Variants in PLAT observed in about 807,000 individuals in gnomAD.
PLAT encodes tissue-type plasminogen activator.
A neutral mutation model predicts 74.9 loss-of-function variants in PLAT; 48 were observed. The ratio of observed to expected loss-of-function variants is 0.64; its 90% CI spans 0.51 to 0.82. PLAT has a LOEUF of 0.82. Among genes scored for constraint, PLAT ranks in the 40% least tolerant of loss-of-function variants. The pLI is 0.00. For synonymous variants in PLAT, 307 were observed against 294.4 expected, an observed-to-expected ratio of 1.04 and a Z score of -0.44; for missense variants, 673 against 736.2, an observed-to-expected ratio of 0.91 and a Z score of 0.99.
chr8:42,188,127 G>T, intron 4 of PLAT, 111 bp from the exon 5 acceptor site: 1 of 643,208 alleles, frequency 1.6e-6, no homozygotes, highest in Non-Finnish European at 2.8e-6. Context: ...GTCCTGCAGC[G>T]TGGAACACGC....
At position 42,197,543 on chromosome 8, in the gene PLAT, C is replaced by G. The variant is rs367795714; in HGVS notation, c.-26-4332G>C. Among the ~76,000 whole-genome samples, 18 of 152,302 alleles carry G rather than the reference C, an allele frequency of 1.2e-4. No individual in the cohort carries two copies. In the East Asian group the frequency reaches 3.3e-3, roughly 28 times the overall value. ...CTGAGAAATTGATGATCATGCCAAC[C>G]AGAAAGGTGGTGTTCATTTCTTTGG... is the stretch of plus-strand genomic sequence containing the variant. On this transcript the variant is annotated intron_variant, in intron 1 of 13. Coordinates refer to ENST00000220809, the MANE Select transcript of PLAT (RefSeq NM_000930.5).
At position 42,180,617 on chromosome 8, in the gene PLAT, C is replaced by T. The variant is rs1415478927; in HGVS notation, c.958G>A (p.Ala320Thr). 1.9e-6 allele frequency: 3 copies of T among 1,612,034 alleles called. No homozygotes were observed. The highest frequency in any genetic ancestry group is 1.1e-5 in the South Asian group (1 of 90,836). The change falls in exon 10 of 14, where the codon GCC becomes ACC. Residue 320 changes from alanine to threonine, a missense_variant. Ala to Thr is a moderately conservative substitution (Grantham distance 58). Coordinates refer to ENST00000220809, the MANE Select transcript of PLAT (RefSeq NM_000930.5). ...RIKGGLFADI[A>T]SHPWQAAIFA... is the part of the protein sequence containing the mutation. ...ATGGCAGCCTGCCAGGGGTGGGAGG[C>T]GATGTCGGCGAAGAGCCCTCCTTTG...
chr8:42,185,040 C>A (rs200180837), intron 7 of PLAT, 41 bp downstream of exon 7: 13 of 1,393,156 alleles, frequency 9.3e-6, no homozygotes, highest in Non-Finnish European at 4.0e-6. Context: ...ACTTTCCTCC[C>A]CCAGGGACAT....
At chr8:42,201,027 G>A (rs8178698) in intron 1 of PLAT, among the ~76,000 whole-genome samples, 4,508 of 152,120 alleles carry the variant, frequency 0.03, 226 homozygotes, top group African/African-American at 0.1. Context: ...ACAGGGTTTC[G>A]GCATGCTGGC....
At chr8:42,205,504 CAA>C (rs1806296446) in intron 1 of PLAT, among the ~76,000 whole-genome samples, 1 of 151,762 alleles carries the variant, frequency 6.6e-6, no homozygotes, top group African/African-American at 2.4e-5. Flanking sequence ...CTAGCCTGGG[CAA>C]AAAGAGTGAA....
At position 42,193,107 on chromosome 8, in the gene PLAT, C is replaced by T. The variant is rs752674790; in HGVS notation, c.72+7G>A. 5 of 1,607,524 alleles carry T rather than the reference C, an allele frequency of 3.1e-6. No homozygotes were observed. The highest frequency in any genetic ancestry group is 4.3e-6 in the Non-Finnish European group (5 of 1,174,224). On this transcript the variant is annotated splice_region_variant and intron_variant, in intron 2 of 13. Transcript: ENST00000220809. ...AGGGGCGGGACACAGGGATCCTGCA[C>T]ACCAACCTGGCTGGGCGAAACGAAG... is the stretch of plus-strand genomic sequence containing the variant.
rs8178875 is a variant in PLAT at position 42,204,629 on chromosome 8, C to T, written c.-27+2865G>A. Among the ~76,000 whole-genome samples the T allele has an allele frequency of 1.9e-3, 282 of 151,152 alleles. 1 individual carries two copies. Among genetic ancestry groups the T allele is most frequent in the Non-Finnish European group, 3.3e-3 (226 of 67,890 alleles). ...ATTTGGGAGGCTGAGGCAGGAAAAT[C>T]GCTTGAACCTGGGAGGTGGAGGTTG... On this transcript the variant is annotated intron_variant, in intron 1 of 13. Transcript: ENST00000220809.
chr8:42,187,651 C>G lies in PLAT; in HGVS notation c.365-79G>C, dbSNP rs1202856784. On this transcript the variant is annotated intron_variant, in intron 5 of 13. Coordinates refer to ENST00000220809, the MANE Select transcript of PLAT (RefSeq NM_000930.5). ...CCTCAGGAGGCTCCCCTCTCTGCCCCGTCCTCCCCCAGGCCTGATGCAGGC... is the reference window on the plus strand; with the variant it reads ...CCTCAGGAGGCTCCCCTCTCTGCCCGGTCCTCCCCCAGGCCTGATGCAGGC... The G allele has an allele frequency of 2.5e-5, 34 of 1,356,040 alleles. No homozygotes were observed. The Admixed American group carries it at 7.8e-4, about 31-fold the overall frequency. 84.0% of individuals were successfully genotyped at this position (1,356,040 alleles called of 1,614,324 possible). A position where few individuals can be genotyped will look rare whatever the true frequency, so the allele number is the denominator to read the frequency against.
chr8:42,190,825 C>T (rs8178739), intron 3 of PLAT, among the ~76,000 whole-genome samples: 8 of 152,176 alleles, frequency 5.3e-5, no homozygotes, highest in Non-Finnish European at 7.4e-5. Context: ...CCCACCATGT[C>T]GAGGGGTTGC....
chr8:42,206,013 A>C (rs539051461), intron 1 of PLAT, among the ~76,000 whole-genome samples: 2 of 152,244 alleles, frequency 1.3e-5, no homozygotes, highest in Non-Finnish European at 1.5e-5. Context: ...AAAACCAACA[A>C]AGGGGAACTG....
intron 4 of PLAT, 49 bp downstream of exon 4, chr8:42,188,885 A>T: frequency 6.4e-7 from 1 of 1,560,030 alleles, no homozygotes; most frequent in Non-Finnish European, 8.8e-7. Context: ...TTGGCCTCCT[A>T]AAGTGCTGGG....
At chr8:42,181,886 G>T (rs1453990383) in intron 9 of PLAT, 51 bp downstream of exon 9, 3 of 1,057,542 alleles carry the variant, frequency 2.8e-6, no homozygotes, top group East Asian at 2.4e-5. Flanking sequence ...GCGAGGAGAT[G>T]GTGAAGAAGG....
intron 12 of PLAT, among the ~76,000 whole-genome samples, chr8:42,179,513 ATAGT>A (rs1321096859): frequency 1.3e-5 from 2 of 152,154 alleles, no homozygotes; most frequent in African/African-American, 4.8e-5. Flanking sequence ...AATTAGGGAG[ATAGT>A]TCTATCTCCA....
chr8:42,196,710 C>T lies in PLAT; in HGVS notation c.-26-3499G>A, dbSNP rs75582553. 3.2e-4 allele frequency among the ~76,000 whole-genome samples: 49 copies of T among 151,826 alleles called. No individual in the cohort carries two copies. In the East Asian group the frequency reaches 8.1e-3, roughly 25 times the overall value. ...GGTCCATGAGTGCTCTGGCGAGACC[C>T]GGGTGAGAGATGACATTGGCGGAAG... On this transcript the variant is annotated intron_variant, in intron 1 of 13. Transcript: ENST00000220809.
In PLAT at chr8:42,196,305, G is replaced by A. The variant is rs576237815; in HGVS notation, c.-26-3094C>T. On this transcript the variant is annotated intron_variant, in intron 1 of 13. Transcript: ENST00000220809. ...TGTCTTTGCTCCTGAGAGAGTTGGA[G>A]ACTTGTCTCTTCTCTTCCTTGGCTT... Among the ~76,000 whole-genome samples, 12 of 152,328 alleles carry A rather than the reference G, an allele frequency of 7.9e-5. No individual in the cohort carries two copies. In the South Asian group the frequency reaches 2.5e-3, roughly 32 times the overall value.
intron 12 of PLAT, 89 bp downstream of exon 12, chr8:42,179,837 C>A (rs551858502): frequency 3.0e-6 from 4 of 1,331,996 alleles, no homozygotes; most frequent in East Asian, 2.6e-5. Context: ...GCTGGAACTT[C>A]GGTCTCCTGA....
Position 42,180,029 on chromosome 8 carries a change from G to C in PLAT, c.1260C>G (p.Ala420=). The C allele has an allele frequency of 6.2e-7, 1 of 1,610,022 alleles. No homozygotes were observed. Among genetic ancestry groups the C allele is most frequent in the Non-Finnish European group, 8.5e-7 (1 of 1,177,584 alleles). ...CAGTGCGGACCACGCTGCTCTCCTG[G>C]GCACAGCGGGACGAATCCGATTTCA... ...LQLKSDSSRC[A]QESSVVRTVC... is the part of the protein sequence containing the mutation. The change falls in exon 12 of 14, where the codon GCC becomes GCG. Residue 420 remains alanine (A), a synonymous_variant. Coordinates refer to ENST00000220809, the MANE Select transcript of PLAT (RefSeq NM_000930.5).
rs1804182 is a variant in PLAT, at chr8:42,176,001, G to A, written c.1681C>T (p.Arg561Ter). 1,797 of 1,613,954 alleles carry A rather than the reference G, an allele frequency of 1.1e-3. 21 individuals carry two copies. In the African/African-American group the frequency reaches 0.021, roughly 19 times the overall value. Reference protein sequence around the residue: ...NYLDWIRDNMRP With the variant: ...NYLDWIRDNM ...GAGTCGGGTGTTCCTGGTCACGGTC[G>A]CATGTTGTCACGAATCCAGTCTAGG... The change falls in exon 14 of 14, where the codon CGA (arginine) becomes TGA (stop). Residue 561 changes from arginine to a stop codon, truncating the protein, a stop_gained. Transcript: ENST00000220809. LOFTEE classifies it high-confidence loss of function.
Position 42,191,425 on chromosome 8 carries a change from A to G in PLAT, c.73-11T>C. The G allele has an allele frequency of 6.2e-7, 1 of 1,613,890 alleles. No individual in the cohort carries two copies. Among genetic ancestry groups the G allele is most frequent in the Non-Finnish European group, 8.5e-7 (1 of 1,179,808 alleles). ...TCGGGCATGGATTTCCTGCGAAGAA[A>G]CCAGAGGTGGAGGAAGGATCAGCAC... On this transcript the variant is annotated splice_polypyrimidine_tract_variant and intron_variant, in intron 2 of 13. Coordinates refer to ENST00000220809, the MANE Select transcript of PLAT (RefSeq NM_000930.5).
Sources: gnomAD v4.1 joint callset for allele counts (sites outside exome capture counted in the v4.1 genomes callset) on GRCh38, gnomAD v4.1.1 for gene constraint, MANE v1.5 for transcripts, NCBI Gene and HGNC (gene_info 2026-07-23, HGNC 2026-07-21) for gene names.